The following ATP10A variants were observed in gnomAD, a reference collection of about 807,000 sequenced individuals.
ATP10A encodes the protein phospholipid-transporting ATPase VA.
Under a neutral mutation model 147.8 loss-of-function variants are expected in ATP10A, and 111 were observed. The ratio of observed to expected loss-of-function variants is 0.75; its 90% CI spans 0.64 to 0.88. The LOEUF is 0.88. Ranked by LOEUF, ATP10A falls within the 40% of genes least tolerant of loss-of-function variation. The probability of loss-of-function intolerance (pLI) is 0.00; values close to 1 mark genes in which losing one functional copy is unlikely to be tolerated. For synonymous variants in ATP10A, 875 were observed against 841.6 expected, an observed-to-expected ratio of 1.04 and a Z score of -0.69; for missense variants, 1,927 against 1,959.0, an observed-to-expected ratio of 0.98 and a Z score of 0.31.
chr15:25,716,751 G>A lies in ATP10A; in HGVS notation c.1755C>T (p.Ser585=), dbSNP rs776705185. The A allele has an allele frequency of 6.3e-7, 1 of 1,594,856 alleles. No homozygotes were observed. The highest frequency in any genetic ancestry group is 8.5e-7 in the Non-Finnish European group (1 of 1,170,384). Residue 585 remains serine (S), a synonymous_variant, in exon 9 of 21, where the codon TCC becomes TCT. Coordinates refer to ENST00000555815, the MANE Select transcript of ATP10A (RefSeq NM_024490.4). ...LTICNTVVVT[S]PDQPRTKVRV... is the part of the protein sequence containing the mutation. ...TTGCCTTTGTTCGTGGCTGATCCGG[G>A]GACGTGACGACGACTGTGTTGCAGA...
chr15:25,806,831 T>C (rs1891211310), intron 1 of ATP10A, among the ~76,000 whole-genome samples: 2 of 152,208 alleles, frequency 1.3e-5, no homozygotes, highest in Non-Finnish European at 2.9e-5. Flanking sequence ...CCCTTAAGCA[T>C]TTTCAAAAGT....
intron 1 of ATP10A, among the ~76,000 whole-genome samples, chr15:25,789,594 C>CA (rs1185008920): frequency 1.6e-5 from 1 of 62,892 alleles, no homozygotes; most frequent in Non-Finnish European, 3.2e-5. Flanking sequence ...GTGTGTGTGA[C>CA]AGAGACAGAG....
chr15:25,719,101 G>C (rs1350931101), intron 7 of ATP10A, among the ~76,000 whole-genome samples: 2 of 152,190 alleles, frequency 1.3e-5, no homozygotes, highest in Non-Finnish European at 2.9e-5. Flanking sequence ...GCCCAGGGAG[G>C]ACAGCTTGTT....
At chr15:25,769,978 G>A (rs1405413606) in intron 2 of ATP10A, among the ~76,000 whole-genome samples, 1 of 152,174 alleles carries the variant, frequency 6.6e-6, no homozygotes. Flanking sequence ...ACGACCACCT[G>A]CAAGCCCAGG....
chr15:25,847,784 C>T (rs1893092814), intron 1 of ATP10A, among the ~76,000 whole-genome samples: 1 of 151,716 alleles, frequency 6.6e-6, no homozygotes, highest in African/African-American at 2.4e-5. Context: ...GCATGCACCA[C>T]CATGCCCAGC....
chr15:25,769,994 G>C (rs771303893), intron 2 of ATP10A, among the ~76,000 whole-genome samples: 1 of 152,120 alleles, frequency 6.6e-6, no homozygotes, highest in East Asian at 1.9e-4. Flanking sequence ...CCAGGAGAGA[G>C]GCCTCAAGTA....
chr15:25,689,291 C>T (rs751311038), intron 15 of ATP10A, among the ~76,000 whole-genome samples: 5 of 152,206 alleles, frequency 3.3e-5, no homozygotes, highest in Non-Finnish European at 7.4e-5. Flanking sequence ...ACCTTGTATC[C>T]CTGGCTCCCA....
chr15:25,770,107 G>A (rs1889256472), intron 2 of ATP10A, among the ~76,000 whole-genome samples: 1 of 152,174 alleles, frequency 6.6e-6, no homozygotes, highest in African/African-American at 2.4e-5. Flanking sequence ...ACCTTGTTAT[G>A]GCAGCCCAAG....
chr15:25,720,105 A>G (rs1902120044), intron 7 of ATP10A, among the ~76,000 whole-genome samples: 2 of 152,166 alleles, frequency 1.3e-5, no homozygotes, highest in Non-Finnish European at 2.9e-5. Context: ...ATCTTTCTGT[A>G]ATCTTAGTTG....
In ATP10A at chr15:25,718,347, C is replaced by T. The variant is rs534713050; in HGVS notation, c.1416G>A (p.Val472=). 6.2e-7 allele frequency: 1 copy of T among 1,610,118 alleles called. No individual in the cohort carries two copies. The highest frequency in any genetic ancestry group is 8.5e-7 in the Non-Finnish European group (1 of 1,179,478). Residue 472 remains valine (V), a synonymous_variant, in exon 8 of 21, where the codon GTG becomes GTA. Coordinates refer to ENST00000555815, the MANE Select transcript of ATP10A (RefSeq NM_024490.4). ...QEADSEEEEV[V]PRGGSVSQRG... ...GCTGGGACACCGAGCCCCCTCTGGG[C>T]ACCACCTCCTCCTCCTCCGAGTCTG...
intron 1 of ATP10A, among the ~76,000 whole-genome samples, chr15:25,857,659 T>C (rs188468625): frequency 1.6e-4 from 25 of 152,256 alleles, no homozygotes; most frequent in Admixed American, 8.5e-4. Flanking sequence ...AACTGGACAA[T>C]GGTACATGGC....
Position 25,708,179 on chromosome 15 carries a change from G to C in ATP10A, c.2448+18C>G. 1.2e-6 allele frequency: 2 copies of C among 1,614,120 alleles called. No homozygotes were observed. The highest frequency in any genetic ancestry group is 1.7e-6 in the Non-Finnish European group (2 of 1,180,002). ...CGGCCACCTGCACGTGCACCCTCGCGGAGACACCCCCACTCACTCTCTTGG... is the reference window on the plus strand; with the variant it reads ...CGGCCACCTGCACGTGCACCCTCGCCGAGACACCCCCACTCACTCTCTTGG... On this transcript the variant is annotated intron_variant, in intron 11 of 20. Coordinates refer to ENST00000555815, the MANE Select transcript of ATP10A (RefSeq NM_024490.4).
intron 2 of ATP10A, among the ~76,000 whole-genome samples, chr15:25,751,366 A>G (rs1323433609): frequency 6.6e-6 from 1 of 152,142 alleles, no homozygotes; most frequent in Non-Finnish European, 1.5e-5. Flanking sequence ...AAAATGGCAT[A>G]AAATTAGCAA....
At chr15:25,764,719 ATTCCCT>A (rs1324028265) in intron 2 of ATP10A, among the ~76,000 whole-genome samples, 1 of 152,228 alleles carries the variant, frequency 6.6e-6, no homozygotes, top group African/African-American at 2.4e-5. Context: ...AGACCAAGAT[ATTCCCT>A]TTCCAACAAT....
chr15:25,724,633 A>T (rs1367792780), intron 5 of ATP10A, among the ~76,000 whole-genome samples: 1 of 152,228 alleles, frequency 6.6e-6, no homozygotes, highest in Non-Finnish European at 1.5e-5. Flanking sequence ...CTTAGGATCC[A>T]AAGCCATTTT....
chr15:25,837,384 C>T (rs1273497991), intron 1 of ATP10A, among the ~76,000 whole-genome samples: 1 of 152,146 alleles, frequency 6.6e-6, no homozygotes, highest in Non-Finnish European at 1.5e-5. Flanking sequence ...GTGGATGAAC[C>T]TGAGGGACCT....
chr15:25,678,012 T>G (rs1210206748), downstream of ATP10A: 1 of 152,150 alleles, frequency 6.6e-6, no homozygotes, highest in Non-Finnish European at 1.5e-5. Flanking sequence ...AGCATCCCCG[T>G]GAACAGAGGC....
intron 1 of ATP10A, among the ~76,000 whole-genome samples, chr15:25,799,369 G>A (rs1890831871): frequency 6.6e-6 from 1 of 152,054 alleles, no homozygotes; most frequent in South Asian, 2.1e-4. Flanking sequence ...TGATGTGTTG[G>A]GTGCTCAAAT....
intron 1 of ATP10A, among the ~76,000 whole-genome samples, chr15:25,834,615 G>T (rs1191760297): frequency 1.3e-5 from 2 of 152,136 alleles, no homozygotes; most frequent in Non-Finnish European, 2.9e-5. Context: ...TCCTCCTAGG[G>T]ACATACACAA....
Sources: allele counts gnomAD v4.1 joint callset (sites outside exome capture counted in the v4.1 genomes callset), GRCh38; gene constraint gnomAD v4.1.1; transcripts MANE v1.5; gene names NCBI Gene and HGNC (gene_info 2026-07-23, HGNC 2026-07-21).